Variants in SH3GL2 observed in about 807,000 individuals in gnomAD.
SH3GL2 encodes the protein SH3 domain containing GRB2 like 2, endophilin A1, also known as endophilin-A1.
Under a neutral mutation model 46.0 loss-of-function variants are expected in SH3GL2, and 24 were observed. The ratio of observed to expected loss-of-function variants is 0.52; its 90% CI spans 0.38 to 0.73. The LOEUF (loss-of-function observed/expected upper bound fraction) is 0.73, where lower values mean the gene tolerates loss of function less well. SH3GL2 is among the 30% of genes least tolerant of loss of function. The pLI is 0.00. For missense variants in SH3GL2, 413 were observed against 424.2 expected, an observed-to-expected ratio of 0.97 and a Z score of 0.23; for synonymous variants, 196 against 147.1, an observed-to-expected ratio of 1.33 and a Z score of -2.40.
intron 1 of SH3GL2, among the ~76,000 whole-genome samples, chr9:17,657,130 T>C (rs1383731146): frequency 1.3e-5 from 2 of 152,214 alleles, no homozygotes; most frequent in African/African-American, 2.4e-5. Context: ...GAAAAGCTCA[T>C]ACACACTGAA....
At chr9:17,649,329 A>G (rs527871755) in intron 1 of SH3GL2, among the ~76,000 whole-genome samples, 3 of 152,302 alleles carry the variant, frequency 2.0e-5, no homozygotes, top group Admixed American at 6.5e-5. Flanking sequence ...GGCCTCCCAA[A>G]GTGCTGGGAT....
intron 1 of SH3GL2, among the ~76,000 whole-genome samples, chr9:17,722,714 C>T (rs910343279): frequency 6.6e-6 from 1 of 152,032 alleles, no homozygotes; most frequent in Non-Finnish European, 1.5e-5. Context: ...CTCTGGATCA[C>T]TTCCCTTCAG....
chr9:17,721,552 A>G (rs781006322), intron 1 of SH3GL2, among the ~76,000 whole-genome samples: 6 of 152,140 alleles, frequency 3.9e-5, no homozygotes, highest in Non-Finnish European at 8.8e-5. Context: ...TTACTTAACC[A>G]GTATAGTTTT....
At chr9:17,609,595 A>C (rs939791522) in intron 1 of SH3GL2, among the ~76,000 whole-genome samples, 7 of 152,212 alleles carry the variant, frequency 4.6e-5, no homozygotes, top group African/African-American at 1.7e-4. Context: ...AGGTTTAACA[A>C]AACATCTCTG....
chr9:17,750,712 C>T (rs990224240), intron 2 of SH3GL2, among the ~76,000 whole-genome samples: 4 of 152,144 alleles, frequency 2.6e-5, no homozygotes, highest in Admixed American at 1.3e-4. Flanking sequence ...AGAGGAAGTT[C>T]GGAAATTTGA....
In SH3GL2 at chr9:17,663,420, G is replaced by C. The variant is rs185830959; in HGVS notation, c.46-83646G>C. 1.2e-3 allele frequency among the ~76,000 whole-genome samples: 176 copies of C among 152,082 alleles called. 1 individual carries two copies. Among genetic ancestry groups the C allele is most frequent in the African/African-American group, 4.0e-3 (167 of 41,486 alleles). On this transcript the variant is annotated intron_variant, in intron 1 of 8. Coordinates refer to ENST00000380607, the MANE Select transcript of SH3GL2 (RefSeq NM_003026.5). ...AAATTATTTTCCCTCTACTGGTTTG[G>C]CCATTATGCATTCTGTTAGACTGAA...
intron 1 of SH3GL2, among the ~76,000 whole-genome samples, chr9:17,601,843 T>C (rs984788377): frequency 6.6e-6 from 1 of 152,182 alleles, no homozygotes; most frequent in Non-Finnish European, 1.5e-5. Flanking sequence ...GTGGGAAATC[T>C]TCATCTGTCT....
chr9:17,663,176 T>A (rs1037651297), intron 1 of SH3GL2, among the ~76,000 whole-genome samples: 1 of 152,228 alleles, frequency 6.6e-6, no homozygotes, highest in Admixed American at 6.5e-5. Context: ...ATCAAGTTCT[T>A]TTAAATAAAT....
intron 1 of SH3GL2, among the ~76,000 whole-genome samples, chr9:17,640,086 C>T (rs1321174476): frequency 6.6e-6 from 1 of 152,036 alleles, no homozygotes; most frequent in Non-Finnish European, 1.5e-5. Context: ...CAATTATGAA[C>T]ACTCATCAAA....
intron 3 of SH3GL2, among the ~76,000 whole-genome samples, chr9:17,779,536 G>A (rs142743663): frequency 2.0e-5 from 3 of 152,002 alleles, no homozygotes; most frequent in Non-Finnish European, 4.4e-5. Context: ...AGGAGTAATT[G>A]AACCAAACCC....
intron 1 of SH3GL2, among the ~76,000 whole-genome samples, chr9:17,628,413 T>TGG (rs1819336772): frequency 4.3e-5 from 1 of 23,440 alleles, no homozygotes; most frequent in Non-Finnish European, 7.8e-5. Context: ...ATATCTTGGG[T>TGG]GTGTGTGTGT....
intron 1 of SH3GL2, among the ~76,000 whole-genome samples, chr9:17,724,551 T>C (rs1043640988): frequency 1.3e-5 from 2 of 152,054 alleles, no homozygotes; most frequent in African/African-American, 4.8e-5. Context: ...TGTCACATTT[T>C]CCTGGGGGTG....
At chr9:17,778,846 C>T (rs1471969318) in intron 3 of SH3GL2, among the ~76,000 whole-genome samples, 1 of 152,048 alleles carries the variant, frequency 6.6e-6, no homozygotes, top group Non-Finnish European at 1.5e-5. Context: ...AGTCTAGTGC[C>T]TGAGCAAGTG....
intron 1 of SH3GL2, among the ~76,000 whole-genome samples, chr9:17,675,902 G>A (rs1479506964): frequency 2.0e-5 from 3 of 152,010 alleles, no homozygotes; most frequent in Non-Finnish European, 4.4e-5. Context: ...CTGAGATCGC[G>A]CCACTGCACT....
intron 1 of SH3GL2, among the ~76,000 whole-genome samples, chr9:17,663,315 G>GT (rs1308963323): frequency 6.6e-6 from 1 of 152,028 alleles, no homozygotes; most frequent in African/African-American, 2.4e-5. Context: ...ATATCCTTCA[G>GT]TTTTTTTGTA....
chr9:17,613,699 T>C (rs1818919246), intron 1 of SH3GL2, among the ~76,000 whole-genome samples: 1 of 152,202 alleles, frequency 6.6e-6, no homozygotes, highest in Non-Finnish European at 1.5e-5. Flanking sequence ...GATCATTTTA[T>C]AATGCTCATT....
intron 1 of SH3GL2, among the ~76,000 whole-genome samples, chr9:17,625,357 A>G (rs997329216): frequency 3.0e-4 from 45 of 152,294 alleles, no homozygotes; most frequent in Middle Eastern, 3.4e-3. Flanking sequence ...CAGAATTACT[A>G]CTGTGGCAAC....
intron 2 of SH3GL2, among the ~76,000 whole-genome samples, chr9:17,760,543 C>G (rs531597111): frequency 5.3e-5 from 8 of 152,106 alleles, no homozygotes; most frequent in African/African-American, 1.9e-4. Context: ...AAAAGTTTCT[C>G]ATAGTTGAAG....
chr9:17,771,752 G>A (rs1347356377), intron 3 of SH3GL2, among the ~76,000 whole-genome samples: 1 of 152,150 alleles, frequency 6.6e-6, no homozygotes, highest in South Asian at 2.1e-4. Flanking sequence ...GTGTACTACA[G>A]CACAGGGTCT....
Sources: gnomAD v4.1 joint callset for allele counts (sites outside exome capture counted in the v4.1 genomes callset) on GRCh38, gnomAD v4.1.1 for gene constraint, MANE v1.5 for transcripts, NCBI Gene and HGNC (gene_info 2026-07-23, HGNC 2026-07-21) for gene names.